The following PHACTR1 variants were observed in gnomAD, a reference collection of about 807,000 sequenced individuals.
The protein encoded by PHACTR1 is RPEL repeat containing 1.
A neutral mutation model predicts 69.2 loss-of-function variants in PHACTR1; 16 were observed. The ratio of observed to expected loss-of-function variants is 0.23; its 90% CI spans 0.16 to 0.35. The LOEUF (loss-of-function observed/expected upper bound fraction) is 0.35. Ranked by LOEUF, PHACTR1 falls within the 10% of genes least tolerant of loss-of-function variation. The pLI is 1.00. For synonymous variants in PHACTR1, 312 were observed against 284.5 expected (o/e 1.10, Z -0.97); for missense variants, 510 against 734.7 (o/e 0.69, Z 3.54).
intron 6 of PHACTR1, among the ~76,000 whole-genome samples, chr6:13,161,041 G>T (rs1358327260): frequency 6.6e-6 from 1 of 152,000 alleles, no homozygotes; most frequent in Non-Finnish European, 1.5e-5. Flanking sequence ...GTGCAGTGAT[G>T]CAATCACGGC....
intron 5 of PHACTR1, among the ~76,000 whole-genome samples, chr6:13,144,931 A>C (rs1047022761): frequency 5.9e-5 from 9 of 152,194 alleles, no homozygotes; most frequent in African/African-American, 2.2e-4. Context: ...GGATAGGCAA[A>C]GATACAAGTA....
chr6:13,141,175 T>C (rs1263533940), intron 5 of PHACTR1, among the ~76,000 whole-genome samples: 2 of 152,146 alleles, frequency 1.3e-5, no homozygotes, highest in Non-Finnish European at 2.9e-5. Context: ...ATCAGCCCCA[T>C]GGCCAAATCC....
At chr6:12,913,756 A>G (rs1786663448) in intron 4 of PHACTR1, among the ~76,000 whole-genome samples, 1 of 152,172 alleles carries the variant, frequency 6.6e-6, no homozygotes, top group African/African-American at 2.4e-5. Flanking sequence ...ATGTTTCATG[A>G]TGAAGAAGAG....
At chr6:13,016,915 G>A (rs1158881306) in intron 4 of PHACTR1, among the ~76,000 whole-genome samples, 1 of 152,218 alleles carries the variant, frequency 6.6e-6, no homozygotes, top group East Asian at 1.9e-4. Flanking sequence ...GGCTGGGCGC[G>A]GTGGCTCACG....
chr6:12,993,683 C>G (rs560503367), intron 4 of PHACTR1, among the ~76,000 whole-genome samples: 4 of 152,184 alleles, frequency 2.6e-5, no homozygotes, highest in Non-Finnish European at 5.9e-5. Flanking sequence ...GCTGTAAGCC[C>G]AGGGGATCTC....
At chr6:13,021,254 C>A (rs937907800) in intron 4 of PHACTR1, among the ~76,000 whole-genome samples, 1 of 152,178 alleles carries the variant, frequency 6.6e-6, no homozygotes. Flanking sequence ...TGGAACCATG[C>A]AATATATGGT....
intron 8 of PHACTR1, 33 bp downstream of exon 8, chr6:13,206,169 G>A (rs751202386): frequency 6.6e-7 from 1 of 1,513,336 alleles, no homozygotes; most frequent in East Asian, 2.4e-5. Context: ...AGGACGGGAG[G>A]AGAGGGGTTG....
At chr6:12,758,709 A>T (rs77636117) in intron 4 of PHACTR1, among the ~76,000 whole-genome samples, 4,565 of 152,202 alleles carry the variant, frequency 0.03, 89 homozygotes, top group Admixed American at 0.07. Flanking sequence ...AATAGACATG[A>T]TTTACCACAA....
intron 4 of PHACTR1, among the ~76,000 whole-genome samples, chr6:12,915,019 G>A (rs764806145): frequency 1.3e-5 from 2 of 152,190 alleles, no homozygotes; most frequent in Non-Finnish European, 2.9e-5. Context: ...CAAGGGAGTT[G>A]GAGCTCAAGT....
intron 4 of PHACTR1, among the ~76,000 whole-genome samples, chr6:13,016,157 C>T (rs1375722880): frequency 2.6e-5 from 4 of 152,332 alleles, no homozygotes; most frequent in East Asian, 1.9e-4. Flanking sequence ...AAGCGATTTG[C>T]AATTTGAGTC....
chr6:12,938,738 A>G (rs964201906), intron 4 of PHACTR1, among the ~76,000 whole-genome samples: 18 of 152,106 alleles, frequency 1.2e-4, no homozygotes, highest in African/African-American at 2.4e-5. Flanking sequence ...CCAAGCAACA[A>G]GGATCTGCAT....
chr6:12,909,702 T>G (rs1401926729), intron 4 of PHACTR1, among the ~76,000 whole-genome samples: 1 of 152,186 alleles, frequency 6.6e-6, no homozygotes, highest in East Asian at 1.9e-4. Flanking sequence ...GGAGTCTTCA[T>G]GAGAGTTCAT....
chr6:13,047,575 C>T lies in PHACTR1; in HGVS notation c.251-5790C>T, dbSNP rs547870559. ...CATAAACGTTCTGTTATTGAGTTCA[C>T]TTAGGGTTAAGAAACAAGAATCCAA... On this transcript the variant is annotated intron_variant, in intron 4 of 14. Coordinates refer to ENST00000332995, the MANE Select transcript of PHACTR1 (RefSeq NM_030948.6). 1.3e-4 allele frequency among the ~76,000 whole-genome samples: 20 copies of T among 152,154 alleles called. No homozygotes were observed. In the South Asian group the frequency reaches 2.5e-3, roughly 19 times the overall value.
intron 4 of PHACTR1, among the ~76,000 whole-genome samples, chr6:12,901,442 G>C (rs1056017975): frequency 6.6e-6 from 1 of 152,176 alleles, no homozygotes; most frequent in Non-Finnish European, 1.5e-5. Flanking sequence ...TGGAGGAAAG[G>C]AGGAAAGAGG....
intron 4 of PHACTR1, among the ~76,000 whole-genome samples, chr6:13,043,811 A>G (rs1400058389): frequency 2.0e-5 from 3 of 152,242 alleles, no homozygotes; most frequent in African/African-American, 7.2e-5. Context: ...TAAGATGAAA[A>G]AAGGGTCTAC....
At chr6:12,880,962 G>A (rs1043423389) in intron 4 of PHACTR1, among the ~76,000 whole-genome samples, 12 of 151,854 alleles carry the variant, frequency 7.9e-5, no homozygotes, top group South Asian at 2.1e-4. Context: ...ATGAAATGGC[G>A]TAGTGAAGGT....
At chr6:13,195,522 C>T (rs1274545472) in intron 7 of PHACTR1, among the ~76,000 whole-genome samples, 2 of 151,738 alleles carry the variant, frequency 1.3e-5, no homozygotes, top group African/African-American at 4.8e-5. Context: ...TTCAGGAGGC[C>T]GAGATGAAGG....
At chr6:13,155,686 G>A (rs182558232) in intron 5 of PHACTR1, among the ~76,000 whole-genome samples, 5 of 152,132 alleles carry the variant, frequency 3.3e-5, no homozygotes, top group African/African-American at 1.2e-4. Flanking sequence ...TCAGGAGTTC[G>A]AGACCAGCCT....
intron 4 of PHACTR1, among the ~76,000 whole-genome samples, chr6:13,043,267 A>G (rs902281419): frequency 2.6e-5 from 4 of 152,172 alleles, no homozygotes; most frequent in Non-Finnish European, 5.9e-5. Flanking sequence ...TCTCTACTAA[A>G]AATACAGAAA....
Sources: gnomAD v4.1 joint callset for allele counts (sites outside exome capture counted in the v4.1 genomes callset) on GRCh38, gnomAD v4.1.1 for gene constraint, MANE v1.5 for transcripts, NCBI Gene and HGNC (gene_info 2026-07-23, HGNC 2026-07-21) for gene names.